DLG2: variants seen among roughly 807,000 people sequenced by gnomAD.
The protein encoded by DLG2 is disks large homolog 2.
In DLG2, 45 loss-of-function variants were observed where a neutral mutation model predicts 132.5. The ratio of observed to expected loss-of-function variants is 0.34; its 90% CI spans 0.27 to 0.44. DLG2 has a LOEUF of 0.44. Among genes scored for constraint, DLG2 ranks in the 20% least tolerant of loss-of-function variants. DLG2 has a pLI of 1.00. For synonymous variants in DLG2, 424 were observed against 419.6 expected (o/e 1.01, Z -0.13); for missense variants, 1,045 against 1,196.9 (o/e 0.87, Z 1.87).
chr11:85,072,424 A>T (rs1444223734), intron 6 of DLG2, among the ~76,000 whole-genome samples: 1 of 151,846 alleles, frequency 6.6e-6, no homozygotes, highest in Non-Finnish European at 1.5e-5. Flanking sequence ...GGGATATAAA[A>T]CTTTAAACAA....
intron 7 of DLG2, among the ~76,000 whole-genome samples, chr11:84,418,757 T>C (rs927954865): frequency 2.0e-5 from 3 of 152,216 alleles, no homozygotes; most frequent in African/African-American, 7.2e-5. Flanking sequence ...CAACCTAGAA[T>C]AAATACGCTT....
intron 6 of DLG2, among the ~76,000 whole-genome samples, chr11:84,932,632 T>C (rs1158709967): frequency 6.6e-6 from 1 of 152,186 alleles, no homozygotes; most frequent in East Asian, 1.9e-4. Context: ...GTTCCTGTGT[T>C]AGTCTGCTGG....
At chr11:85,019,018 T>C (rs1306720347) in intron 6 of DLG2, among the ~76,000 whole-genome samples, 4 of 152,180 alleles carry the variant, frequency 2.6e-5, no homozygotes, top group African/African-American at 9.7e-5. Context: ...AGCATACTAA[T>C]GTAGGGGTGT....
At chr11:84,092,417 A>G (rs948297575) in intron 10 of DLG2, among the ~76,000 whole-genome samples, 1 of 152,186 alleles carries the variant, frequency 6.6e-6, no homozygotes, top group African/African-American at 2.4e-5. Flanking sequence ...CCTATCTCCA[A>G]TGTACCAGTG....
At chr11:85,490,652 G>A (rs577403098) in intron 3 of DLG2, among the ~76,000 whole-genome samples, 1 of 152,132 alleles carries the variant, frequency 6.6e-6, no homozygotes, top group South Asian at 2.1e-4. Context: ...GATCATCAGA[G>A]ATGATTATGA....
chr11:84,689,082 A>G (rs2057708214), intron 6 of DLG2, among the ~76,000 whole-genome samples: 1 of 152,168 alleles, frequency 6.6e-6, no homozygotes. Flanking sequence ...AGCCAAATGG[A>G]AGCTTTTATT....
At chr11:85,294,569 C>T (rs2079105490) in intron 3 of DLG2, among the ~76,000 whole-genome samples, 1 of 152,120 alleles carries the variant, frequency 6.6e-6, no homozygotes, top group South Asian at 2.1e-4. Flanking sequence ...CTAAACCTCA[C>T]CTTCTTCACC....
chr11:83,748,239 C>A (rs76441308), intron 18 of DLG2, among the ~76,000 whole-genome samples: 1 of 152,170 alleles, frequency 6.6e-6, no homozygotes, highest in East Asian at 1.9e-4. Context: ...TCTCCCAGGA[C>A]GATATCACTG....
intron 10 of DLG2, among the ~76,000 whole-genome samples, chr11:84,061,610 T>C (rs1447121702): frequency 1.3e-5 from 2 of 152,164 alleles, no homozygotes; most frequent in African/African-American, 4.8e-5. Flanking sequence ...GTATATCAAT[T>C]CAAAATGATG....
intron 18 of DLG2, chr11:83,651,530 C>G (rs529817211): frequency 1.7e-5 from 3 of 171,896 alleles, no homozygotes; most frequent in African/African-American, 7.1e-5. Flanking sequence ...TTGGCAAGAC[C>G]TTCTGAGTTA....
intron 21 of DLG2, among the ~76,000 whole-genome samples, chr11:83,485,386 G>A (rs1322844071): frequency 2.0e-5 from 3 of 152,040 alleles, no homozygotes; most frequent in Non-Finnish European, 2.9e-5. Flanking sequence ...GGCCATGCAG[G>A]TCTTACTAAT....
intron 6 of DLG2, among the ~76,000 whole-genome samples, chr11:84,906,105 T>C (rs900305710): frequency 8.5e-5 from 13 of 152,222 alleles, no homozygotes; most frequent in South Asian, 4.1e-4. Context: ...ATCAGTCAAA[T>C]ATAATTTTAA....
chr11:84,649,830 A>T (rs1466225396), intron 6 of DLG2, among the ~76,000 whole-genome samples: 2 of 152,146 alleles, frequency 1.3e-5, no homozygotes, highest in African/African-American at 4.8e-5. Flanking sequence ...TTCCAGGGAA[A>T]ATCACAGAGC....
At chr11:84,921,586 C>A (rs2092758287) in intron 6 of DLG2, among the ~76,000 whole-genome samples, 1 of 152,092 alleles carries the variant, frequency 6.6e-6, no homozygotes, top group South Asian at 2.1e-4. Context: ...ATGAAAGGAA[C>A]TTTGGACTTA....
intron 18 of DLG2, among the ~76,000 whole-genome samples, chr11:83,731,086 T>C (rs187723868): frequency 8.5e-5 from 13 of 152,342 alleles, no homozygotes; most frequent in African/African-American, 3.1e-4. Flanking sequence ...TATTTCCAAG[T>C]GGCCCTCTGC....
At chr11:84,411,699 A>C (rs1010607479) in intron 7 of DLG2, among the ~76,000 whole-genome samples, 2 of 152,212 alleles carry the variant, frequency 1.3e-5, no homozygotes, top group Non-Finnish European at 2.9e-5. Context: ...ACATAAGATC[A>C]TGTCCAGTAG....
chr11:83,676,273 G>C (rs1210887168), intron 18 of DLG2, among the ~76,000 whole-genome samples: 2 of 152,178 alleles, frequency 1.3e-5, no homozygotes, highest in Non-Finnish European at 2.9e-5. Context: ...GGGGCCATGA[G>C]GGCAATTAGT....
intron 6 of DLG2, among the ~76,000 whole-genome samples, chr11:84,841,950 T>C (rs1388251119): frequency 6.6e-6 from 1 of 152,014 alleles, no homozygotes; most frequent in Non-Finnish European, 1.5e-5. Context: ...TCTTTCTTCT[T>C]ATGATATATT....
chr11:83,702,126 G>A (rs2083061529), intron 18 of DLG2, among the ~76,000 whole-genome samples: 1 of 152,156 alleles, frequency 6.6e-6, no homozygotes, highest in South Asian at 2.1e-4. Flanking sequence ...TTGGGATCAG[G>A]ATATCTCAGC....
Sources: gnomAD v4.1 joint callset for allele counts (sites outside exome capture counted in the v4.1 genomes callset) on GRCh38, gnomAD v4.1.1 for gene constraint, MANE v1.5 for transcripts, NCBI Gene and HGNC (gene_info 2026-07-23, HGNC 2026-07-21) for gene names.